DMXL2: variants seen among roughly 807,000 people sequenced by gnomAD.
DMXL2 encodes the protein Dmx like 2.
Under a neutral mutation model 331.1 loss-of-function variants are expected in DMXL2, and 103 were observed. The ratio of observed to expected loss-of-function variants is 0.31; its 90% confidence interval spans 0.27 to 0.37. DMXL2 has a LOEUF of 0.37. DMXL2 is among the 10% of genes least tolerant of loss of function. The probability of loss-of-function intolerance (pLI) is 1.00; values close to 1 mark genes in which losing one functional copy is unlikely to be tolerated. For missense variants in DMXL2, 3,171 were observed against 3,642.9 expected, an observed-to-expected ratio of 0.87 and a Z score of 3.33; for synonymous variants, 1,281 against 1,252.1, an observed-to-expected ratio of 1.02 and a Z score of -0.49.
intron 1 of DMXL2, among the ~76,000 whole-genome samples, chr15:51,621,423 C>T (rs1325094813): frequency 6.6e-6 from 1 of 152,180 alleles, no homozygotes; most frequent in East Asian, 1.9e-4. Flanking sequence ...CATACCATTA[C>T]GGAATTTCCA....
chr15:51,507,812 A>T (rs911894161), intron 15 of DMXL2, among the ~76,000 whole-genome samples: 3 of 118,640 alleles, frequency 2.5e-5, no homozygotes, highest in African/African-American at 4.4e-5. Flanking sequence ...AAACAGCATT[A>T]AAAAAAAAAA....
chr15:51,551,404 C>T (rs1212003271), intron 6 of DMXL2, among the ~76,000 whole-genome samples: 1 of 152,056 alleles, frequency 6.6e-6, no homozygotes, highest in Non-Finnish European at 1.5e-5. Flanking sequence ...GAAATTTTAA[C>T]AGTTCATATG....
intron 1 of DMXL2, among the ~76,000 whole-genome samples, chr15:51,601,380 T>A (rs1354874541): frequency 1.3e-5 from 2 of 152,166 alleles, no homozygotes; most frequent in Non-Finnish European, 2.9e-5. Context: ...TTCCTCTGAA[T>A]TCTCCCTTCT....
At chr15:51,555,018 T>C (rs1450453920) in intron 6 of DMXL2, among the ~76,000 whole-genome samples, 7 of 151,994 alleles carry the variant, frequency 4.6e-5, no homozygotes, top group Non-Finnish European at 1.0e-4. Context: ...ATTAGCCAGG[T>C]GTGGTGGCAC....
chr15:51,499,966 A>G lies in DMXL2; in HGVS notation c.3258T>C (p.Tyr1086=). Residue 1086 remains tyrosine (Y), a synonymous_variant, in exon 18 of 44, where the codon TAT becomes TAC. Coordinates refer to ENST00000560891, the MANE Select transcript of DMXL2 (RefSeq NM_001378457.1). ...CSYTGRLAVA[Y]KQPIHHNGFV... is the part of the protein sequence containing the mutation. ...AACCATTATGGTGGATAGGCTGCTT[A>G]TAAGCCACTGCAAGGCGACCTGTGT... 2.5e-6 allele frequency: 4 copies of G among 1,614,042 alleles called. No individual in the cohort carries two copies. The highest frequency in any genetic ancestry group is 1.1e-5 in the South Asian group (1 of 91,074).
intron 5 of DMXL2, 71 bp from the exon 6 acceptor site, chr15:51,563,518 G>A: frequency 9.5e-7 from 1 of 1,052,130 alleles, no homozygotes; most frequent in Non-Finnish European, 1.4e-6. Context: ...TGGTCAAGAT[G>A]AGATTTTTGT....
intron 1 of DMXL2, among the ~76,000 whole-genome samples, chr15:51,586,393 A>C (rs746236414): frequency 2.0e-5 from 3 of 152,160 alleles, no homozygotes; most frequent in Non-Finnish European, 4.4e-5. Flanking sequence ...ACAAAAATCT[A>C]TGGGAAGAAA....
chr15:51,488,427 G>A (rs1229337542), intron 21 of DMXL2, 121 bp downstream of exon 21: 7 of 873,870 alleles, frequency 8.0e-6, no homozygotes, highest in Non-Finnish European at 1.3e-5. Flanking sequence ...AAAGGAACCA[G>A]GTCGCATAGA....
At chr15:51,494,820 T>TA (rs1298733750) in intron 19 of DMXL2, among the ~76,000 whole-genome samples, 5 of 152,076 alleles carry the variant, frequency 3.3e-5, no homozygotes, top group East Asian at 1.9e-4. Flanking sequence ...CTAAAAAACT[T>TA]AGTTAGATGA....
chr15:51,576,735 C>T (rs1053186994), intron 1 of DMXL2, among the ~76,000 whole-genome samples: 1 of 152,126 alleles, frequency 6.6e-6, no homozygotes, highest in Admixed American at 6.5e-5. Flanking sequence ...CAAATGAATC[C>T]ACAACGCAGC....
chr15:51,556,903 A>G (rs1471072621), intron 6 of DMXL2, among the ~76,000 whole-genome samples: 4 of 152,230 alleles, frequency 2.6e-5, no homozygotes, highest in African/African-American at 7.2e-5. Flanking sequence ...CTGAAAAAAA[A>G]GTATCTACCA....
chr15:51,530,858 T>C (rs2047961500), intron 13 of DMXL2, among the ~76,000 whole-genome samples: 1 of 152,074 alleles, frequency 6.6e-6, no homozygotes, highest in Non-Finnish European at 1.5e-5. Context: ...ATGAAAACTG[T>C]AAAACACTGA....
rs144411311 is a variant in DMXL2 at position 51,481,551 on chromosome 15, C to T, written c.5555G>A (p.Arg1852Gln). 6.8e-6 allele frequency: 11 copies of T among 1,610,034 alleles called. No individual in the cohort carries two copies. Among genetic ancestry groups the T allele is most frequent in the African/African-American group, 4.0e-5 (3 of 74,352 alleles). The part of the protein sequence containing the change: ...NYLRTHPLLI[R>Q]RNLASPEGTL... ...TCCTTCAGGGGAGGCAAGATTTCTTCGAATGAGCAAAGGATGAGTTCGAAG... is the reference window on the plus strand; with the variant it reads ...TCCTTCAGGGGAGGCAAGATTTCTTTGAATGAGCAAAGGATGAGTTCGAAG... Residue 1852 changes from arginine (R) to glutamine (Q), a missense_variant, in exon 24 of 44, where the codon CGA becomes CAA. This residue lies in a region of DMXL2 where 244 missense variants were observed against 251.4 expected (regional missense o/e 0.97). Transcript: ENST00000560891.
At chr15:51,462,700 C>G (rs1031664) in intron 33 of DMXL2, among the ~76,000 whole-genome samples, 1 of 151,892 alleles carries the variant, frequency 6.6e-6, no homozygotes, top group African/African-American at 2.4e-5. Context: ...ACTGCTCATT[C>G]CCTCACTAAT....
At chr15:51,509,246 T>C (rs2046604961) in intron 15 of DMXL2, among the ~76,000 whole-genome samples, 1 of 151,648 alleles carries the variant, frequency 6.6e-6, no homozygotes. Context: ...CAAAAAACCC[T>C]TCCAAAAATC....
chr15:51,577,045 AAGGGTCAG>A (rs1039257507), intron 1 of DMXL2, among the ~76,000 whole-genome samples: 20 of 152,292 alleles, frequency 1.3e-4, no homozygotes, highest in African/African-American at 4.6e-4. Context: ...TTTATGACCT[AAGGGTCAG>A]AGAGTTGGGA....
chr15:51,465,038 CAG>C (rs755151788), intron 31 of DMXL2, among the ~76,000 whole-genome samples, 162 bp from the exon 32 acceptor site: 6 of 152,160 alleles, frequency 3.9e-5, no homozygotes, highest in Non-Finnish European at 7.3e-5. Flanking sequence ...TTCAACAAAA[CAG>C]AAGTGGGTTT....
intron 14 of DMXL2, among the ~76,000 whole-genome samples, chr15:51,516,810 G>A (rs1397774199): frequency 6.6e-6 from 1 of 152,088 alleles, no homozygotes; most frequent in Non-Finnish European, 1.5e-5. Context: ...CCTCTTCTGA[G>A]TCTCTAAAGT....
intron 39 of DMXL2, among the ~76,000 whole-genome samples, 159 bp from the exon 40 acceptor site, chr15:51,455,387 T>G (rs888280392): frequency 6.6e-6 from 1 of 152,188 alleles, no homozygotes; most frequent in Non-Finnish European, 1.5e-5. Flanking sequence ...GCTAAAAAAT[T>G]CCCTGTCACT....
Sources: gnomAD v4.1 joint callset for allele counts (sites outside exome capture counted in the v4.1 genomes callset) on GRCh38, gnomAD v4.1.1 for gene constraint, gnomAD v4.1.1 regional missense constraint, MANE v1.5 for transcripts, NCBI Gene and HGNC (gene_info 2026-07-23, HGNC 2026-07-21) for gene names.